CELF2: variants seen among roughly 807,000 people sequenced by gnomAD.
CELF2 encodes the protein CUG triplet repeat RNA-binding protein 2.
Under a neutral mutation model 62.6 loss-of-function variants are expected in CELF2, and 8 were observed. The observed-to-expected ratio is 0.13, with a 90% CI of 0.07 to 0.23. CELF2 has a LOEUF of 0.23. CELF2 is among the 10% of genes least tolerant of loss of function. The probability of loss-of-function intolerance (pLI) is 1.00; values close to 1 mark genes in which losing one functional copy is unlikely to be tolerated. For missense variants in CELF2, 333 were observed against 671.0 expected, an observed-to-expected ratio of 0.50 and a Z score of 5.56; for synonymous variants, 258 against 250.0, an observed-to-expected ratio of 1.03 and a Z score of -0.30.
intron 1 of CELF2, among the ~76,000 whole-genome samples, chr10:10,913,513 C>T (rs1333289128): frequency 2.1e-5 from 3 of 140,974 alleles, no homozygotes; most frequent in Non-Finnish European, 4.5e-5. Context: ...GCCTCAGCCT[C>T]CCAAGTGGCT....
chr10:10,721,363 A>G, the CELF2 span, among the ~76,000 whole-genome samples: 2 of 152,232 alleles, frequency 1.3e-5, no homozygotes, highest in Admixed American at 6.5e-5. Context: ...TACACTTGGA[A>G]TTTAGAAGCA....
intron 4 of CELF2, among the ~76,000 whole-genome samples, chr10:11,252,555 G>A (rs910782662): frequency 1.3e-5 from 2 of 152,234 alleles, no homozygotes; most frequent in Non-Finnish European, 2.9e-5. Context: ...GATTCTGAGA[G>A]AGGGAACCTC....
chr10:11,043,519 TC>T (rs1191548737), intron 1 of CELF2, among the ~76,000 whole-genome samples: 2 of 152,178 alleles, frequency 1.3e-5, no homozygotes, highest in African/African-American at 4.8e-5. Flanking sequence ...CTGGCTGGAC[TC>T]TTTCTACTTG....
At chr10:10,780,204 G>T in the CELF2 span, among the ~76,000 whole-genome samples, 45 of 152,290 alleles carry the variant, frequency 3.0e-4, no homozygotes, top group South Asian at 5.8e-3. Flanking sequence ...TTCTCTGGTT[G>T]TTTTGTGTTG....
chr10:11,296,620 A>G lies in CELF2; in HGVS notation c.976+8068A>G, dbSNP rs532108852. On this transcript the variant is annotated intron_variant, in intron 9 of 12. Transcript: ENST00000633077. This position sits in a 1 kb window ranked among gnomAD's most constrained non-coding sequence, Gnocchi z 5.0. The stretch of plus-strand genomic sequence containing the variant: ...GCAATAAAATGGAAATTTTTAGTTC[A>G]GATGTGGTTTAATCCCGAGAACCCG... 6.6e-6 allele frequency among the ~76,000 whole-genome samples: 1 copy of G among 152,320 alleles called. No homozygotes were observed. Among genetic ancestry groups the G allele is most frequent in the Admixed American group, 6.5e-5 (1 of 15,304 alleles).
chr10:10,559,830 C>G, the CELF2 span, among the ~76,000 whole-genome samples: 1 of 152,184 alleles, frequency 6.6e-6, no homozygotes, highest in African/African-American at 2.4e-5. Context: ...CCCCATGTGA[C>G]TATGGCCTCC....
rs2053665271 is a variant in CELF2 at position 10,993,755 on chromosome 10, G to C, written c.89+73756G>C. Among the ~76,000 whole-genome samples, 2 of 152,164 alleles carry C rather than the reference G, an allele frequency of 1.3e-5. No homozygotes were observed. The highest frequency in any genetic ancestry group is 2.1e-4 in the South Asian group (1 of 4,820). ...ATTGGATATCGATATGGACTCAGCT[G>C]TGTTCTCCCCAAAATTTGTGTGTTG... On this transcript the variant is annotated intron_variant, in intron 2 of 13. Transcript: ENST00000636488. The surrounding 1 kb of genome is among the most constrained non-coding windows in gnomAD (Gnocchi z 5.3).
At chr10:10,493,387 C>T in the CELF2 span, among the ~76,000 whole-genome samples, 3 of 152,068 alleles carry the variant, frequency 2.0e-5, no homozygotes, top group Admixed American at 1.3e-4. Context: ...TATTAATGTA[C>T]TTCATGCCAC....
At chr10:10,857,649 G>GTATATATATATATATATATATATATA (rs779543257) in intron 1 of CELF2, among the ~76,000 whole-genome samples, 3 of 94,208 alleles carry the variant, frequency 3.2e-5, no homozygotes, top group Non-Finnish European at 3.9e-5. Context: ...CATATATATA[G>GTATATATATATATATATATATATATA]TATATATATA....
chr10:10,909,867 G>GAAAA (rs199970550), intron 1 of CELF2, among the ~76,000 whole-genome samples: 13,496 of 152,274 alleles, frequency 0.089, 1,282 homozygotes, highest in African/African-American at 0.24. Context: ...GGGGGCTCAT[G>GAAAA]TTTATAAAGT....
the CELF2 span, among the ~76,000 whole-genome samples, chr10:10,772,553 G>C: frequency 6.6e-6 from 1 of 152,208 alleles, no homozygotes; most frequent in African/African-American, 2.4e-5. Context: ...TTGCAAATTA[G>C]GGTCCGAGTC....
At position 11,315,756 on chromosome 10, in the gene CELF2, G is replaced by A. The variant is rs1353506330; in HGVS notation, c.1096+1498G>A. On this transcript the variant is annotated intron_variant, in intron 10 of 12. Transcript: ENST00000633077. This position sits in a 1 kb window ranked among gnomAD's most constrained non-coding sequence, Gnocchi z 5.8. ...GCCTCCAGCTTTGACTTTTCCAGCA[G>A]CCAAGTAGGAGCCTCACTGCCTTGA... Among the ~76,000 whole-genome samples the A allele has an allele frequency of 2.0e-5, 3 of 152,214 alleles. No individual in the cohort carries two copies. Among genetic ancestry groups the A allele is most frequent in the African/African-American group, 7.2e-5 (3 of 41,446 alleles).
chr10:10,853,544 A>G (rs1263111568), intron 1 of CELF2, among the ~76,000 whole-genome samples: 2 of 152,108 alleles, frequency 1.3e-5, no homozygotes, highest in Non-Finnish European at 2.9e-5. Context: ...GTCTCCTGGT[A>G]GGAACAGGAG....
At chr10:10,823,984 A>T (rs1362116472) in intron 1 of CELF2, among the ~76,000 whole-genome samples, 1 of 151,294 alleles carries the variant, frequency 6.6e-6, no homozygotes, top group Non-Finnish European at 1.5e-5. Flanking sequence ...ATAGATAGAT[A>T]GATACATAGA....
rs1222630632 is a variant in CELF2, at chr10:10,972,197, C to A, written c.89+52198C>A. 6.6e-6 allele frequency among the ~76,000 whole-genome samples: 1 copy of A among 152,094 alleles called. No individual in the cohort carries two copies. Among genetic ancestry groups the A allele is most frequent in the Non-Finnish European group, 1.5e-5 (1 of 68,024 alleles). ...ATTTCTTATTCAGGGAAACTCGCTA[C>A]CTAGGTTATCCCAAAGCATGCACCA... On this transcript the variant is annotated intron_variant, in intron 2 of 13. Transcript: ENST00000636488. This position sits in a 1 kb window ranked among gnomAD's most constrained non-coding sequence, Gnocchi z 4.4.
chr10:11,206,786 T>C (rs1337793962), intron 2 of CELF2, among the ~76,000 whole-genome samples: 1 of 152,282 alleles, frequency 6.6e-6, no homozygotes, highest in Non-Finnish European at 1.5e-5. Flanking sequence ...TGATAAATTC[T>C]ATGGCTAGCT....
intron 1 of CELF2, among the ~76,000 whole-genome samples, chr10:11,132,681 G>A (rs756315564): frequency 6.6e-6 from 1 of 152,068 alleles, no homozygotes; most frequent in Non-Finnish European, 1.5e-5. Context: ...CACTCCACCG[G>A]CAAAAGACTT....
intron 1 of CELF2, among the ~76,000 whole-genome samples, chr10:10,854,777 T>C (rs1331298129): frequency 6.6e-6 from 1 of 151,966 alleles, no homozygotes; most frequent in African/African-American, 2.4e-5. Context: ...TGTATAAATA[T>C]TAAAATATCT....
At chr10:10,966,276 G>A (rs906938849) in intron 2 of CELF2, among the ~76,000 whole-genome samples, 1 of 152,222 alleles carries the variant, frequency 6.6e-6, no homozygotes, top group African/African-American at 2.4e-5. Flanking sequence ...GTTAGCTAGT[G>A]ACTGGGGAGA....
Sources: gnomAD v4.1 joint callset for allele counts (sites outside exome capture counted in the v4.1 genomes callset) on GRCh38, gnomAD v4.1.1 for gene constraint, Gnocchi (gnomAD v3.1) non-coding constraint, MANE v1.5 for transcripts, NCBI Gene and HGNC (gene_info 2026-07-23, HGNC 2026-07-21) for gene names.